Variants in CDK19 observed in about 807,000 individuals in gnomAD.
CDK19 encodes the protein cyclin-dependent kinase 19.
In CDK19, 20 loss-of-function variants were observed where a neutral mutation model predicts 68.3. The ratio of observed to expected loss-of-function variants is 0.29; its 90% confidence interval spans 0.21 to 0.43. The LOEUF (loss-of-function observed/expected upper bound fraction) is 0.43, where lower values mean the gene tolerates loss of function less well. CDK19 is among the 20% of genes least tolerant of loss of function. The probability of loss-of-function intolerance (pLI) is 1.00; values close to 1 mark genes in which losing one functional copy is unlikely to be tolerated. For missense variants in CDK19, 339 were observed against 623.5 expected, an observed-to-expected ratio of 0.54 and a Z score of 4.86; for synonymous variants, 221 against 222.8, an observed-to-expected ratio of 0.99 and a Z score of 0.07.
intron 2 of CDK19, among the ~76,000 whole-genome samples, chr6:110,682,163 C>A (rs1038535093): frequency 6.6e-6 from 1 of 152,198 alleles, no homozygotes; most frequent in African/African-American, 2.4e-5. Context: ...CAATTACTCA[C>A]TTATCTCAAA....
At chr6:110,773,013 C>T (rs1461365964) in intron 1 of CDK19, among the ~76,000 whole-genome samples, 1 of 147,452 alleles carries the variant, frequency 6.8e-6, no homozygotes, top group African/African-American at 2.5e-5. Flanking sequence ...CCCAGGGGCT[C>T]AAGGCCAGCC....
At chr6:110,779,599 G>A (rs899728504) in intron 1 of CDK19, among the ~76,000 whole-genome samples, 1 of 152,114 alleles carries the variant, frequency 6.6e-6, no homozygotes, top group African/African-American at 2.4e-5. Context: ...ATGAAGTTCA[G>A]AGAAACAGTC....
intron 2 of CDK19, among the ~76,000 whole-genome samples, chr6:110,740,966 ACAG>A (rs1164987932): frequency 1.3e-5 from 2 of 151,902 alleles, no homozygotes; most frequent in African/African-American, 4.8e-5. Flanking sequence ...GAGGGGCTCA[ACAG>A]CAGAAGAAAG....
At chr6:110,695,215 T>C (rs191062350) in intron 2 of CDK19, among the ~76,000 whole-genome samples, 1 of 152,220 alleles carries the variant, frequency 6.6e-6, no homozygotes, top group East Asian at 1.9e-4. Context: ...CTCAAAACTA[T>C]ACAAATACAT....
At chr6:110,640,575 G>A (rs1240602346) in intron 4 of CDK19, among the ~76,000 whole-genome samples, 3 of 152,126 alleles carry the variant, frequency 2.0e-5, no homozygotes, top group Admixed American at 6.6e-5. Flanking sequence ...AAGAATAATG[G>A]TGCCTTTCAT....
intron 4 of CDK19, among the ~76,000 whole-genome samples, chr6:110,647,926 G>GA (rs1780713204): frequency 6.6e-6 from 1 of 151,982 alleles, no homozygotes; most frequent in Non-Finnish European, 1.5e-5. Context: ...CTTAACATGA[G>GA]AAAATCTATG....
intron 2 of CDK19, among the ~76,000 whole-genome samples, chr6:110,693,082 T>G (rs1773155395): frequency 6.6e-6 from 1 of 151,968 alleles, no homozygotes; most frequent in Non-Finnish European, 1.5e-5. Context: ...AGCAAAAGCG[T>G]TAAAATCTGA....
At chr6:110,706,373 CAAT>C (rs1374621773) in intron 2 of CDK19, 3 of 132,220 alleles carry the variant, frequency 2.3e-5, no homozygotes, top group African/African-American at 2.7e-5. Context: ...TTGTTTACAA[CAAT>C]GTCAACAGCA....
At chr6:110,698,865 G>A (rs899170180) in intron 2 of CDK19, among the ~76,000 whole-genome samples, 4 of 151,946 alleles carry the variant, frequency 2.6e-5, no homozygotes, top group African/African-American at 9.7e-5. Flanking sequence ...GATTTCCGGA[G>A]CTCAGGACTG....
intron 2 of CDK19, among the ~76,000 whole-genome samples, chr6:110,697,273 A>T (rs1261267348): frequency 6.6e-6 from 1 of 151,836 alleles, no homozygotes; most frequent in Non-Finnish European, 1.5e-5. Context: ...ATAAAAAAAT[A>T]AATTCAATAA....
Position 110,815,225 on chromosome 6 carries a change from C to T in CDK19, c.-89G>A. On this transcript the variant is annotated 5_prime_UTR_variant, in exon 1 of 13. Transcript: ENST00000368911. The stretch of plus-strand genomic sequence containing the variant: ...TCCCCCCGCGACCGCCGCTCCACTT[C>T]TCCAACAGCCGCCTCTCGCGCGCGC... The T allele has an allele frequency of 7.4e-7, 1 of 1,357,222 alleles. No individual in the cohort carries two copies. The highest frequency in any genetic ancestry group is 3.4e-5 in the Admixed American group (1 of 29,838). 84.1% of individuals were successfully genotyped at this position (1,357,222 alleles called of 1,614,324 possible).
At chr6:110,734,999 A>C (rs2114820710) in intron 2 of CDK19, among the ~76,000 whole-genome samples, 1 of 152,356 alleles carries the variant, frequency 6.6e-6, no homozygotes, top group South Asian at 2.1e-4. Context: ...ATGTATATTC[A>C]AATGACTATT....
intron 4 of CDK19, chr6:110,643,309 C>T: frequency 1.5e-6 from 1 of 679,702 alleles, no homozygotes; most frequent in Non-Finnish European, 2.2e-6. Context: ...AGGTAAGAAC[C>T]ATAAAAGCTG....
At chr6:110,792,870 G>A (rs569737283) in intron 1 of CDK19, among the ~76,000 whole-genome samples, 11 of 152,008 alleles carry the variant, frequency 7.2e-5, no homozygotes, top group Admixed American at 3.9e-4. Context: ...CAGATTTAGC[G>A]AATAAATAAA....
chr6:110,794,785 T>G (rs971409760), intron 1 of CDK19, among the ~76,000 whole-genome samples: 1 of 150,950 alleles, frequency 6.6e-6, no homozygotes, highest in African/African-American at 2.4e-5. Flanking sequence ...CTTTTCAGAA[T>G]AATATATATA....
At chr6:110,638,788 A>ACAG in intron 4 of CDK19, 82 bp from the exon 5 acceptor site, 1 of 776,714 alleles carries the variant, frequency 1.3e-6, no homozygotes, top group Non-Finnish European at 2.2e-6. Flanking sequence ...CTTATCATAT[A>ACAG]AAAAATCATT....
At position 110,622,184 on chromosome 6, in the gene CDK19, G is replaced by GA. The variant is rs760829880; in HGVS notation, c.1032-19dup. The GA allele has an allele frequency of 2.7e-6, 4 of 1,507,566 alleles. No individual in the cohort carries two copies. The highest frequency in any genetic ancestry group is 1.8e-5 in the Admixed American group (1 of 55,576). 93.4% of individuals were successfully genotyped at this position (1,507,566 alleles called of 1,614,324 possible). A position where few individuals can be genotyped will look rare whatever the true frequency, so the allele number is the denominator to read the frequency against. On this transcript the variant is annotated intron_variant, in intron 10 of 12. Coordinates refer to ENST00000368911, the MANE Select transcript of CDK19 (RefSeq NM_015076.5). ...CAAATACACTAAAAATCATTAAAAA[G>GA]AAAAAACATATCATGATCTAAAATC...
At chr6:110,754,592 G>A (rs1396451083) in intron 1 of CDK19, among the ~76,000 whole-genome samples, 1 of 151,296 alleles carries the variant, frequency 6.6e-6, no homozygotes, top group Non-Finnish European at 1.5e-5. Context: ...CGATTCTCAT[G>A]CCTCAGCCTC....
intron 5 of CDK19, among the ~76,000 whole-genome samples, chr6:110,636,658 C>T (rs1488833375): frequency 6.6e-6 from 1 of 152,024 alleles, no homozygotes; most frequent in African/African-American, 2.4e-5. Flanking sequence ...AATTAGAGGC[C>T]AGGTTATAAC....
Sources: gnomAD v4.1 joint callset for allele counts (sites outside exome capture counted in the v4.1 genomes callset) on GRCh38, gnomAD v4.1.1 for gene constraint, MANE v1.5 for transcripts, NCBI Gene and HGNC (gene_info 2026-07-23, HGNC 2026-07-21) for gene names.